RIC1: variants seen among roughly 807,000 people sequenced by gnomAD.
RIC1 encodes RIC1 partner of RAB6A GEF complex.
In RIC1, 88 loss-of-function variants were observed where a neutral mutation model predicts 169.0. That is an observed-to-expected ratio of 0.52 (90% CI 0.44 to 0.62). The LOEUF (loss-of-function observed/expected upper bound fraction) is 0.62, where lower values mean the gene tolerates loss of function less well. Ranked by LOEUF, RIC1 falls within the 20% of genes least tolerant of loss-of-function variation. The pLI is 0.00. For synonymous variants in RIC1, 790 were observed against 601.5 expected (o/e 1.31, Z -4.59); for missense variants, 1,877 against 1,725.5 (o/e 1.09, Z -1.56).
chr9:5,695,101 C>T (rs967687602), intron 3 of RIC1, among the ~76,000 whole-genome samples: 1 of 152,068 alleles, frequency 6.6e-6, no homozygotes, highest in African/African-American at 2.4e-5. Flanking sequence ...TGGAATATGA[C>T]TTAAAATAGT....
chr9:5,749,921 G>T lies in RIC1; in HGVS notation c.1452+2416G>T, dbSNP rs963096289. On this transcript the variant is annotated intron_variant, in intron 12 of 25. Coordinates refer to ENST00000414202, the MANE Select transcript of RIC1 (RefSeq NM_020829.4). ...AGCCTCCCAAGTAGCTGGGATTACA[G>T]GCACCTGCCACCATGCCCGGCTAAT... is the stretch of plus-strand genomic sequence containing the variant. Among the ~76,000 whole-genome samples the T allele has an allele frequency of 1.6e-4, 25 of 151,804 alleles. No homozygotes were observed. The Middle Eastern group carries it at 0.017, about 103-fold the overall frequency.
At chr9:5,630,341 C>T (rs991263863) in intron 1 of RIC1, among the ~76,000 whole-genome samples, 2 of 152,082 alleles carry the variant, frequency 1.3e-5, no homozygotes, top group African/African-American at 4.8e-5. Context: ...TTTTTTTCCT[C>T]CCCAAAGAAG....
intron 2 of RIC1, among the ~76,000 whole-genome samples, chr9:5,684,374 T>G (rs1429577854): frequency 6.7e-6 from 1 of 148,680 alleles, no homozygotes; most frequent in Admixed American, 6.9e-5. Flanking sequence ...TTGGATCCAT[T>G]TGGGGAGAGT....
chr9:5,747,336 A>G lies in RIC1; in HGVS notation c.1283A>G (p.Asp428Gly), dbSNP rs1825436996. The change falls in exon 12 of 26, where the codon GAT becomes GGT. Residue 428 changes from aspartate to glycine, a missense_variant. By Grantham distance (94) the Asp-to-Gly change is moderately conservative. Transcript: ENST00000414202. ...NQEQVLLQGE[D>G]RLYLNCGEAS... ...GAGCAGGTGTTGCTTCAGGGTGAGGATCGCTTGTACTTGAACTGTGGAGAG... is the reference window on the plus strand; with the variant it reads ...GAGCAGGTGTTGCTTCAGGGTGAGGGTCGCTTGTACTTGAACTGTGGAGAG... The G allele has an allele frequency of 1.9e-6, 3 of 1,614,032 alleles. No individual in the cohort carries two copies. The highest frequency in any genetic ancestry group is 2.5e-6 in the Non-Finnish European group (3 of 1,179,946).
chr9:5,709,015 A>G lies in RIC1; in HGVS notation c.333-4881A>G, dbSNP rs528695211. Among the ~76,000 whole-genome samples, 7 of 152,296 alleles carry G rather than the reference A, an allele frequency of 4.6e-5. No individual in the cohort carries two copies. In the South Asian group the frequency reaches 1.0e-3, roughly 23 times the overall value. ...TTAATTTGTTGAGTTTTACAGGACA[A>G]AAATCTAACAATTGTTAGTTACTTG... On this transcript the variant is annotated intron_variant, in intron 3 of 25. Coordinates refer to ENST00000414202, the MANE Select transcript of RIC1 (RefSeq NM_020829.4).
intron 25 of RIC1, 125 bp from the exon 26 acceptor site, chr9:5,773,833 C>T (rs950971957): frequency 1.5e-5 from 13 of 884,810 alleles, no homozygotes; most frequent in South Asian, 2.1e-5. Flanking sequence ...TTCTTTGCCT[C>T]CTCTCTCCCC....
In RIC1 at chr9:5,774,003, G is replaced by C; in HGVS notation, c.4029G>C (p.Gln1343His). The change falls in exon 26 of 26, where the codon CAG becomes CAC. Residue 1343 changes from glutamine to histidine, a missense_variant. Gln to His is a conservative substitution (Grantham distance 24, BLOSUM62 0). Coordinates refer to ENST00000414202, the MANE Select transcript of RIC1 (RefSeq NM_020829.4). ...TAAACATCATTAAGCCACAACTGCA[G>C]AAGCTCAGTGAGATAACAGAAGAGC... ...PFLNIIKPQL[Q>H]KLSEITEEQV... 6 of 1,613,128 alleles carry C rather than the reference G, an allele frequency of 3.7e-6. No individual in the cohort carries two copies. In the South Asian group the frequency reaches 4.4e-5, roughly 12 times the overall value.
Position 5,774,387 on chromosome 9 carries a change from T to G in RIC1, c.*141T>G, listed in dbSNP as rs78455310. ...GTATTAGTAGATTTTAACTAATTCT[T>G]TCTTGTCTAAGAAATCTTTTTGACT... On this transcript the variant is annotated 3_prime_UTR_variant, in exon 26 of 26. Coordinates refer to ENST00000414202, the MANE Select transcript of RIC1 (RefSeq NM_020829.4). The G allele has an allele frequency of 2.8e-3, 1,811 of 646,362 alleles. 37 individuals are homozygous for G. The African/African-American group carries it at 0.029, about 10-fold the overall frequency. The allele number at this position is 646,362 out of a possible 1,614,324, so 40.0% of individuals were successfully genotyped here.
intron 6 of RIC1, among the ~76,000 whole-genome samples, chr9:5,730,469 C>T (rs890575426): frequency 6.6e-6 from 1 of 152,066 alleles, no homozygotes; most frequent in Non-Finnish European, 1.5e-5. Flanking sequence ...GGAATACATG[C>T]TATGATTCCA....
downstream of RIC1, among the ~76,000 whole-genome samples, chr9:5,778,626 G>T (rs959610780): frequency 6.6e-6 from 1 of 152,138 alleles, no homozygotes; most frequent in South Asian, 2.1e-4. Context: ...AACATACATT[G>T]CATCTACTGA....
chr9:5,747,093 A>T, intron 11 of RIC1, among the ~76,000 whole-genome samples: 1 of 152,226 alleles, frequency 6.6e-6, no homozygotes, highest in East Asian at 1.9e-4. Flanking sequence ...CTGAAATCTC[A>T]TAGTCACTAA....
At chr9:5,726,246 G>A (rs1223643131) in intron 6 of RIC1, among the ~76,000 whole-genome samples, 1 of 152,156 alleles carries the variant, frequency 6.6e-6, no homozygotes, top group Non-Finnish European at 1.5e-5. Context: ...CCTGTATTGG[G>A]TGCATATATA....
At chr9:5,634,843 G>T (rs552986412) in intron 1 of RIC1, among the ~76,000 whole-genome samples, 1 of 151,988 alleles carries the variant, frequency 6.6e-6, no homozygotes, top group African/African-American at 2.4e-5. Flanking sequence ...CATGGTTTCA[G>T]GTTTTACATT....
chr9:5,755,054 G>C (rs1345684059), intron 15 of RIC1, 124 bp downstream of exon 15: 1 of 554,948 alleles, frequency 1.8e-6, no homozygotes, highest in Non-Finnish European at 2.9e-6. Context: ...AATCAAGAAT[G>C]TAGCTTCTTT....
At chr9:5,724,409 T>G (rs1409274615) in intron 6 of RIC1, among the ~76,000 whole-genome samples, 1 of 152,264 alleles carries the variant, frequency 6.6e-6, no homozygotes, top group African/African-American at 2.4e-5. Flanking sequence ...ACATTCATTT[T>G]GTATCCTGAG....
intron 1 of RIC1, among the ~76,000 whole-genome samples, chr9:5,641,016 C>G (rs1418132601): frequency 6.6e-6 from 1 of 151,092 alleles, no homozygotes; most frequent in Non-Finnish European, 1.5e-5. Flanking sequence ...TTTTCTCTTG[C>G]CGTTTTTAGG....
chr9:5,725,622 G>A (rs1193527707), intron 6 of RIC1, among the ~76,000 whole-genome samples: 1 of 152,024 alleles, frequency 6.6e-6, no homozygotes, highest in South Asian at 2.1e-4. Context: ...GTCTGCTCCT[G>A]CTTCTCTAGT....
chr9:5,644,267 T>TC (rs1818395627), intron 1 of RIC1, among the ~76,000 whole-genome samples: 1 of 152,208 alleles, frequency 6.6e-6, no homozygotes, highest in African/African-American at 2.4e-5. Flanking sequence ...CTACTTTTTG[T>TC]CCATTTGATT....
At chr9:5,731,276 A>G (rs1021752247) in intron 6 of RIC1, among the ~76,000 whole-genome samples, 2 of 152,080 alleles carry the variant, frequency 1.3e-5, no homozygotes, top group Non-Finnish European at 2.9e-5. Context: ...GTAGGACTGA[A>G]TTTCAGTCTA....
Sources: gnomAD v4.1 joint callset for allele counts (sites outside exome capture counted in the v4.1 genomes callset) on GRCh38, gnomAD v4.1.1 for gene constraint, MANE v1.5 for transcripts, NCBI Gene and HGNC (gene_info 2026-07-23, HGNC 2026-07-21) for gene names.